GPC5: variants seen among roughly 807,000 people sequenced by gnomAD.
The protein encoded by GPC5 is glypican-5.
In GPC5, 47 loss-of-function variants were observed where a neutral mutation model predicts 53.9. The ratio of observed to expected loss-of-function variants is 0.87; its 90% CI spans 0.69 to 1.11. The LOEUF is 1.11. Ranked by LOEUF, GPC5 falls within the 50% of genes most tolerant of loss-of-function variation. GPC5 has a pLI of 0.00. For synonymous variants in GPC5, 286 were observed against 263.3 expected (o/e 1.09, Z -0.84); for missense variants, 748 against 713.1 (o/e 1.05, Z -0.56).
At chr13:92,527,203 A>G (rs915432662) in intron 7 of GPC5, among the ~76,000 whole-genome samples, 5 of 29,032 alleles carry the variant, frequency 1.7e-4, no homozygotes, top group African/African-American at 7.9e-4. Flanking sequence ...GAAAGAAAGA[A>G]AGAAAGAAAG....
At chr13:92,675,497 G>T (rs979640586) in intron 7 of GPC5, among the ~76,000 whole-genome samples, 21 of 151,954 alleles carry the variant, frequency 1.4e-4, no homozygotes, top group Non-Finnish European at 2.6e-4. Context: ...AAAGGAAAAT[G>T]ACCCTACAAT....
chr13:92,142,274 C>A (rs968962481), intron 6 of GPC5, among the ~76,000 whole-genome samples: 1 of 152,162 alleles, frequency 6.6e-6, no homozygotes, highest in Non-Finnish European at 1.5e-5. Context: ...TCAAAATCAA[C>A]TGATTAATGG....
At chr13:91,973,836 C>T (rs1263951864) in intron 6 of GPC5, among the ~76,000 whole-genome samples, 1 of 152,170 alleles carries the variant, frequency 6.6e-6, no homozygotes, top group South Asian at 2.1e-4. Context: ...CCTGATCATT[C>T]CTCTGGAAGT....
chr13:92,740,960 G>GTGTATATATATATA (rs35795926), intron 7 of GPC5, among the ~76,000 whole-genome samples: 3 of 117,700 alleles, frequency 2.5e-5, no homozygotes, highest in African/African-American at 9.9e-5. Flanking sequence ...ATATGTATGT[G>GTGTATATATATATA]TATATATATA....
intron 7 of GPC5, among the ~76,000 whole-genome samples, chr13:92,783,357 CTGGATTAAA>C (rs1229214282): frequency 1.1e-4 from 17 of 152,154 alleles, no homozygotes; most frequent in Admixed American, 1.1e-3. Context: ...CATTGACTGA[CTGGATTAAA>C]TGTTTGATGA....
In GPC5 at chr13:92,721,128, A is replaced by G. The variant is rs577077214; in HGVS notation, c.1562-145154A>G. On this transcript the variant is annotated intron_variant, in intron 7 of 7. Transcript: ENST00000377067. Reference sequence around the variant, plus strand: ...CCATTATACAGAGAACTGGATACACAGGGAACTGAATGAAATGTCAAAAAT... The same window carrying G: ...CCATTATACAGAGAACTGGATACACGGGGAACTGAATGAAATGTCAAAAAT... 1.3e-3 allele frequency among the ~76,000 whole-genome samples: 204 copies of G among 152,188 alleles called. 1 individual carries two copies. The highest frequency in any genetic ancestry group is 3.4e-3 in the Middle Eastern group (1 of 294).
intron 7 of GPC5, among the ~76,000 whole-genome samples, chr13:92,815,838 C>G (rs1877454373): frequency 6.6e-6 from 1 of 151,840 alleles, no homozygotes; most frequent in Non-Finnish European, 1.5e-5. Context: ...AACCGAGTCA[C>G]TATTGAGTTG....
chr13:92,817,016 G>C (rs1877499965), intron 7 of GPC5, among the ~76,000 whole-genome samples: 1 of 151,970 alleles, frequency 6.6e-6, no homozygotes, highest in African/African-American at 2.4e-5. Context: ...ACCAAAAATG[G>C]GTTGGTTCAC....
In GPC5 at chr13:91,728,647, C is replaced by T. The variant is rs138581416; in HGVS notation, c.1136C>T (p.Thr379Met). The change falls in exon 4 of 8, where the codon ACG (threonine) becomes ATG (methionine). Residue 379 changes from threonine (T) to methionine (M), a missense_variant. Coordinates refer to ENST00000377067, the MANE Select transcript of GPC5 (RefSeq NM_004466.6). Reference sequence around the variant, plus strand: ...ACCACCACAAGGAACAGTGAAGAGACGCTTGCCAACAGAAGAAAGTAAGAC... The same window carrying T: ...ACCACCACAAGGAACAGTGAAGAGATGCTTGCCAACAGAAGAAAGTAAGAC... ...MKTTTRNSEETLANRRKEFIN... is the reference protein window; with the variant it reads ...MKTTTRNSEEMLANRRKEFIN... The T allele has an allele frequency of 5.2e-5, 83 of 1,610,046 alleles. No individual in the cohort carries two copies. The East Asian group carries it at 5.6e-4, about 11-fold the overall frequency.
At chr13:91,504,067 A>G (rs1041143881) in intron 2 of GPC5, among the ~76,000 whole-genome samples, 4 of 152,122 alleles carry the variant, frequency 2.6e-5, no homozygotes, top group Non-Finnish European at 4.4e-5. Flanking sequence ...TAGCATAACA[A>G]AAAACAATTG....
chr13:92,321,374 A>C (rs2139223188), intron 7 of GPC5, among the ~76,000 whole-genome samples: 1 of 152,346 alleles, frequency 6.6e-6, no homozygotes, highest in East Asian at 1.9e-4. Flanking sequence ...CGGGTGGATC[A>C]CGAGGTCAGG....
chr13:91,467,557 C>T (rs1343258400), intron 2 of GPC5, among the ~76,000 whole-genome samples: 4 of 152,116 alleles, frequency 2.6e-5, no homozygotes, highest in African/African-American at 4.8e-5. Flanking sequence ...GCTTTCCTCT[C>T]ACTGTCTTAA....
At chr13:91,512,993 C>T (rs1885311663) in intron 2 of GPC5, among the ~76,000 whole-genome samples, 2 of 152,160 alleles carry the variant, frequency 1.3e-5, no homozygotes, top group Admixed American at 6.5e-5. Context: ...TCACATTACA[C>T]TTTTAAAAAA....
intron 7 of GPC5, among the ~76,000 whole-genome samples, chr13:92,271,637 A>G (rs2042840717): frequency 6.6e-6 from 1 of 152,228 alleles, no homozygotes; most frequent in Non-Finnish European, 1.5e-5. Flanking sequence ...GATGTAAGGC[A>G]TAATGATATT....
intron 7 of GPC5, among the ~76,000 whole-genome samples, chr13:92,348,966 A>G (rs1228886258): frequency 6.6e-6 from 1 of 152,210 alleles, no homozygotes; most frequent in Non-Finnish European, 1.5e-5. Context: ...TTTACCTAAA[A>G]AAAACCCAGA....
chr13:92,179,887 C>G (rs528309326), intron 7 of GPC5, among the ~76,000 whole-genome samples: 1 of 152,224 alleles, frequency 6.6e-6, no homozygotes, highest in African/African-American at 2.4e-5. Flanking sequence ...GGTGAATTAA[C>G]TGAACTTTAG....
intron 5 of GPC5, among the ~76,000 whole-genome samples, chr13:91,822,693 G>C (rs569122810): frequency 6.6e-6 from 1 of 152,100 alleles, no homozygotes; most frequent in African/African-American, 2.4e-5. Flanking sequence ...TGGGGATTAT[G>C]GGAGCTATAA....
At chr13:91,522,191 C>G (rs1251610573) in intron 2 of GPC5, among the ~76,000 whole-genome samples, 1 of 152,192 alleles carries the variant, frequency 6.6e-6, no homozygotes, top group East Asian at 1.9e-4. Flanking sequence ...CATTCATGAT[C>G]AACTTAAGCT....
At position 92,016,709 on chromosome 13, in the gene GPC5, C is replaced by A. The variant is rs981726803; in HGVS notation, c.1401+108652C>A. On this transcript the variant is annotated intron_variant, in intron 6 of 7. Coordinates refer to ENST00000377067, the MANE Select transcript of GPC5 (RefSeq NM_004466.6). Reference sequence around the variant, plus strand: ...AAATCCTGTAAAATAAAAATGTTTTCTCTTATTTTCTTTTCTTCTTTTTTT... The same window carrying A: ...AAATCCTGTAAAATAAAAATGTTTTATCTTATTTTCTTTTCTTCTTTTTTT... 8.0e-5 allele frequency among the ~76,000 whole-genome samples: 12 copies of A among 149,082 alleles called. 1 individual carries two copies. The highest frequency in any genetic ancestry group is 7.4e-5 in the Non-Finnish European group (5 of 67,464).
Sources: gnomAD v4.1 joint callset for allele counts (sites outside exome capture counted in the v4.1 genomes callset) on GRCh38, gnomAD v4.1.1 for gene constraint, MANE v1.5 for transcripts, NCBI Gene and HGNC (gene_info 2026-07-23, HGNC 2026-07-21) for gene names.